The following NTRK3 variants were observed in gnomAD, a reference collection of about 807,000 sequenced individuals.
NTRK3 encodes neurotrophic receptor tyrosine kinase 3.
In NTRK3, 24 loss-of-function variants were observed where a neutral mutation model predicts 91.7. The ratio of observed to expected loss-of-function variants is 0.26; its 90% CI spans 0.19 to 0.37. The LOEUF (loss-of-function observed/expected upper bound fraction) is 0.37. Ranked by LOEUF, NTRK3 falls within the 10% of genes least tolerant of loss-of-function variation. The probability of loss-of-function intolerance (pLI) is 1.00; values close to 1 mark genes in which losing one functional copy is unlikely to be tolerated. For synonymous variants in NTRK3, 483 were observed against 404.0 expected (o/e 1.20, Z -2.34); for missense variants, 880 against 1,068.9 (o/e 0.82, Z 2.46).
intron 14 of NTRK3, among the ~76,000 whole-genome samples, chr15:87,997,279 G>A (rs966829722): frequency 2.6e-5 from 4 of 152,236 alleles, no homozygotes; most frequent in African/African-American, 4.8e-5. Context: ...TTCCAAATGC[G>A]AGCTGTAAAC....
chr15:87,929,429 T>G, exon 17 of NTRK3: 2 of 1,613,890 alleles, frequency 1.2e-6, no homozygotes, highest in African/African-American at 1.3e-5. Flanking sequence ...ATCTGGCCCA[T>G]GGGCCCTGCA....
At chr15:88,054,291 T>C (rs1474236957) in intron 13 of NTRK3, among the ~76,000 whole-genome samples, 1 of 152,216 alleles carries the variant, frequency 6.6e-6, no homozygotes, top group African/African-American at 2.4e-5. Context: ...TAGTGTTCTA[T>C]ATATCTACTG....
chr15:88,154,343 T>C (rs925089707), intron 5 of NTRK3, among the ~76,000 whole-genome samples: 1 of 152,052 alleles, frequency 6.6e-6, no homozygotes, highest in Non-Finnish European at 1.5e-5. Flanking sequence ...CACCATATAA[T>C]CTTGTCACCA....
At chr15:87,981,394 G>C in intron 14 of NTRK3, 1 of 1,613,838 alleles carries the variant, frequency 6.2e-7, no homozygotes, top group Non-Finnish European at 8.5e-7. Context: ...GGAATTAATG[G>C]TCAGTATTAA....
chr15:88,236,101 C>T (rs2051701671), intron 3 of NTRK3, among the ~76,000 whole-genome samples: 1 of 152,116 alleles, frequency 6.6e-6, no homozygotes, highest in Non-Finnish European at 1.5e-5. Flanking sequence ...TGGGGAATGA[C>T]CCAAGAGAAA....
intron 5 of NTRK3, among the ~76,000 whole-genome samples, chr15:88,165,516 T>C (rs79118395): frequency 0.011 from 1,613 of 152,276 alleles, 34 homozygotes; most frequent in African/African-American, 0.037. Flanking sequence ...CCATAGTCAT[T>C]ACCAATAATC....
At chr15:88,212,937 G>C (rs1301054181) in intron 3 of NTRK3, among the ~76,000 whole-genome samples, 1 of 152,240 alleles carries the variant, frequency 6.6e-6, no homozygotes, top group Non-Finnish European at 1.5e-5. Context: ...CCCCAGGAAA[G>C]CTGGTCACTG....
At chr15:88,226,402 T>G (rs980345518) in intron 3 of NTRK3, among the ~76,000 whole-genome samples, 6 of 152,206 alleles carry the variant, frequency 3.9e-5, no homozygotes, top group Admixed American at 1.3e-4. Context: ...CCACGAGCAG[T>G]CCACAAGGTG....
intron 17 of NTRK3, among the ~76,000 whole-genome samples, chr15:87,923,507 C>A (rs965254137): frequency 2.0e-5 from 3 of 152,172 alleles, no homozygotes; most frequent in African/African-American, 7.2e-5. Flanking sequence ...AGTGAATTCA[C>A]CTACTCATAC....
At chr15:88,101,567 C>G (rs1465603139) in intron 13 of NTRK3, among the ~76,000 whole-genome samples, 1 of 152,188 alleles carries the variant, frequency 6.6e-6, no homozygotes, top group Non-Finnish European at 1.5e-5. Context: ...CACATGCACT[C>G]GTATGTTTAT....
intron 14 of NTRK3, among the ~76,000 whole-genome samples, chr15:87,966,494 C>T (rs369518680): frequency 6.6e-6 from 1 of 152,276 alleles, no homozygotes; most frequent in South Asian, 2.1e-4. Flanking sequence ...AGGGGTCTCG[C>T]GTACATATGT....
In NTRK3 at chr15:88,251,281, C is replaced by T. The variant is rs150639579; in HGVS notation, c.248+4625G>A. Among the ~76,000 whole-genome samples, 1,027 of 152,298 alleles carry T rather than the reference C, an allele frequency of 6.7e-3. 4 individuals carry two copies. The highest frequency in any genetic ancestry group is 0.012 in the Non-Finnish European group (795 of 68,012). On this transcript the variant is annotated intron_variant, in intron 3 of 18. Coordinates refer to ENST00000394480, the Ensembl canonical transcript of NTRK3. ...GATCACTGCCATCCCCAGGAGATGC[C>T]CTTAAAAGTGGCGTGGCCGAGCCTC...
chr15:88,164,379 C>T (rs2044741553), intron 5 of NTRK3, among the ~76,000 whole-genome samples: 1 of 152,226 alleles, frequency 6.6e-6, no homozygotes, highest in African/African-American at 2.4e-5. Context: ...ACAAGTGACA[C>T]TGGAGAACAA....
At chr15:88,212,702 A>T (rs1290710432) in intron 3 of NTRK3, among the ~76,000 whole-genome samples, 1 of 786 alleles carries the variant, frequency 1.3e-3, no homozygotes, top group African/African-American at 3.3e-3. Flanking sequence ...CTGCTGCATC[A>T]CACACACACA....
At chr15:87,874,758 A>C (rs1214008097) in exon 19 of NTRK3, 1 of 232,030 alleles carries the variant, frequency 4.3e-6, no homozygotes, top group Non-Finnish European at 8.5e-6. Context: ...CAGATTGTGC[A>C]GCTTCAGCCA....
chr15:88,039,118 AACACACACACACACACACACAC>A (rs66499066), intron 13 of NTRK3, among the ~76,000 whole-genome samples: 2 of 139,304 alleles, frequency 1.4e-5, no homozygotes, highest in African/African-American at 2.7e-5. Context: ...TTGAGCCCTC[AACACACACACACACACACACAC>A]ACACACACAC....
intron 16 of NTRK3, chr15:87,931,296 C>A (rs1449581663): frequency 4.0e-6 from 2 of 500,278 alleles, no homozygotes; most frequent in Non-Finnish European, 8.0e-6. Context: ...CCCAGGGGAA[C>A]AAAAGGACAA....
At chr15:88,219,514 G>T (rs928615126) in intron 3 of NTRK3, among the ~76,000 whole-genome samples, 5 of 152,264 alleles carry the variant, frequency 3.3e-5, no homozygotes, top group Admixed American at 6.5e-5. Flanking sequence ...AAAACCTTAG[G>T]AGACAGAACC....
intron 3 of NTRK3, among the ~76,000 whole-genome samples, chr15:88,202,799 C>T (rs912487883): frequency 2.0e-5 from 3 of 152,176 alleles, no homozygotes; most frequent in Middle Eastern, 3.2e-3. Context: ...TTCCCACAAA[C>T]GTGAGATCCC....
Sources: gnomAD v4.1 joint callset for allele counts (sites outside exome capture counted in the v4.1 genomes callset) on GRCh38, gnomAD v4.1.1 for gene constraint, MANE v1.5 for transcripts, NCBI Gene and HGNC (gene_info 2026-07-23, HGNC 2026-07-21) for gene names.